STEAP1B: variants seen among roughly 807,000 people sequenced by gnomAD.
STEAP1B encodes STEAP family protein MGC87042.
STEAP1B carries 13 observed loss-of-function variants against 27.9 expected under a neutral mutation model. The observed-to-expected ratio is 0.47, with a 90% CI of 0.30 to 0.74. The LOEUF is 0.74. Among genes scored for constraint, STEAP1B ranks in the 30% least tolerant of loss-of-function variants. STEAP1B has a pLI of 0.06. For missense variants in STEAP1B, 250 were observed against 298.7 expected (o/e 0.84, Z 1.20); for synonymous variants, 86 against 107.1 (o/e 0.80, Z 1.22).
intron 4 of STEAP1B, among the ~76,000 whole-genome samples, chr7:22,488,958 G>C (rs911970571): frequency 6.6e-6 from 1 of 152,150 alleles, no homozygotes; most frequent in African/African-American, 2.4e-5. Flanking sequence ...AAATGACTAG[G>C]AGTTGCAAAG....
Position 22,419,667 on chromosome 7 carries a change from C to T in STEAP1B, c.*137G>A. 1.0e-6 allele frequency: 1 copy of T among 978,572 alleles called. No individual in the cohort carries two copies. The highest frequency in any genetic ancestry group is 1.4e-6 in the Non-Finnish European group (1 of 694,044). 60.6% of individuals were successfully genotyped at this position (978,572 alleles called of 1,614,324 possible). On this transcript the variant is annotated 3_prime_UTR_variant, in exon 5 of 5. Transcript: ENST00000678116. ...ATCTGCCCTGCCGGATCCATGTTGA[C>T]AGAGCAGCCGTCACCTGCAGCATGG...
chr7:22,452,949 A>T (rs1052988544), intron 4 of STEAP1B, among the ~76,000 whole-genome samples: 3 of 152,138 alleles, frequency 2.0e-5, no homozygotes, highest in East Asian at 3.9e-4. Context: ...CCTGCCCAAG[A>T]AGAGTAGGAA....
intron 4 of STEAP1B, among the ~76,000 whole-genome samples, chr7:22,469,910 G>T (rs1785851096): frequency 6.6e-6 from 1 of 152,108 alleles, no homozygotes; most frequent in African/African-American, 2.4e-5. Flanking sequence ...CTCCAGTGCT[G>T]GACTGTAGTT....
chr7:22,454,865 A>ATATATATATATTTTTTTTTTTTTT, intron 4 of STEAP1B, among the ~76,000 whole-genome samples: 1 of 126,150 alleles, frequency 7.9e-6, no homozygotes, highest in African/African-American at 3.2e-5. Context: ...ATATATATAT[A>ATATATATATATTTTTTTTTTTTTT]TTTTTTTTTT....
At chr7:22,448,591 T>C (rs1785441351) in intron 4 of STEAP1B, among the ~76,000 whole-genome samples, 1 of 152,200 alleles carries the variant, frequency 6.6e-6, no homozygotes, top group African/African-American at 2.4e-5. Flanking sequence ...TGGCTTATCA[T>C]TAAAATTATG....
rs779574852 is a variant in STEAP1B at position 22,494,900 on chromosome 7, A to G, written c.-31-14T>C. ...GGCTTCAGCCACCTGTAAAAATAAAAATAATTACTTTCATGTCTATTCTAC... is the reference window on the plus strand; with the variant it reads ...GGCTTCAGCCACCTGTAAAAATAAAGATAATTACTTTCATGTCTATTCTAC... On this transcript the variant is annotated splice_polypyrimidine_tract_variant and intron_variant, in intron 1 of 4. Coordinates refer to ENST00000678116, the MANE Select transcript of STEAP1B (RefSeq NM_001382447.1). 1.6e-6 allele frequency: 2 copies of G among 1,274,694 alleles called. No homozygotes were observed. Among genetic ancestry groups the G allele is most frequent in the South Asian group, 1.4e-5 (1 of 69,874 alleles). The allele number at this position is 1,274,694 out of a possible 1,614,324, so 79.0% of individuals were successfully genotyped here. A position where few individuals can be genotyped will look rare whatever the true frequency, so the allele number is the denominator to read the frequency against.
At chr7:22,467,789 T>C (rs923997651) in intron 4 of STEAP1B, among the ~76,000 whole-genome samples, 2 of 152,194 alleles carry the variant, frequency 1.3e-5, no homozygotes, top group Non-Finnish European at 2.9e-5. Flanking sequence ...TTGCCCAGTC[T>C]CGGGTGTGTC....
chr7:22,438,399 C>T (rs1007483060), intron 4 of STEAP1B: 1 of 1,378,992 alleles, frequency 7.3e-7, no homozygotes, highest in Non-Finnish European at 9.6e-7. Flanking sequence ...TGGTAGATGT[C>T]CACTTTGTAC....
At chr7:22,459,979 G>A (rs1785650781) in intron 4 of STEAP1B, among the ~76,000 whole-genome samples, 1 of 152,108 alleles carries the variant, frequency 6.6e-6, no homozygotes, top group Non-Finnish European at 1.5e-5. Flanking sequence ...AGCCGTTTAG[G>A]TCCAATCATT....
At chr7:22,428,103 G>T (rs1435950862) in intron 4 of STEAP1B, among the ~76,000 whole-genome samples, 1 of 152,142 alleles carries the variant, frequency 6.6e-6, no homozygotes, top group Non-Finnish European at 1.5e-5. Context: ...GCCAGACATA[G>T]GATGGAATCT....
chr7:22,481,051 T>C (rs575886367), intron 4 of STEAP1B, among the ~76,000 whole-genome samples: 1 of 152,352 alleles, frequency 6.6e-6, no homozygotes, highest in African/African-American at 2.4e-5. Flanking sequence ...CACAGATACA[T>C]CCAAAGGCTC....
intron 4 of STEAP1B, among the ~76,000 whole-genome samples, chr7:22,438,178 C>T (rs959764962): frequency 5.3e-5 from 8 of 152,294 alleles, no homozygotes; most frequent in South Asian, 2.1e-4. Context: ...AACTCCCCCA[C>T]GTTTTCTTCC....
At chr7:22,446,832 C>T (rs1011469866) in intron 4 of STEAP1B, among the ~76,000 whole-genome samples, 2 of 152,176 alleles carry the variant, frequency 1.3e-5, no homozygotes, top group Non-Finnish European at 2.9e-5. Context: ...CTGCCCACCC[C>T]ACAATGGTGC....
intron 4 of STEAP1B, among the ~76,000 whole-genome samples, chr7:22,464,869 T>C (rs77336134): frequency 0.037 from 5,324 of 141,994 alleles, 179 homozygotes; most frequent in East Asian, 0.16. Context: ...CAAACTAATA[T>C]AGTAGCCCTT....
intron 4 of STEAP1B, among the ~76,000 whole-genome samples, chr7:22,439,206 GGT>G (rs1785295904): frequency 6.6e-6 from 1 of 152,128 alleles, no homozygotes; most frequent in African/African-American, 2.4e-5. Flanking sequence ...AGCTGCAGAA[GGT>G]GTGTTTACAT....
intron 4 of STEAP1B, among the ~76,000 whole-genome samples, chr7:22,454,665 C>T (rs1381222632): frequency 3.3e-5 from 5 of 151,612 alleles, no homozygotes; most frequent in Admixed American, 3.3e-4. Flanking sequence ...GAGCTGTGCA[C>T]GGCCGAGGCT....
At chr7:22,438,642 A>G (rs1159263690) in intron 4 of STEAP1B, 5 of 1,552,098 alleles carry the variant, frequency 3.2e-6, no homozygotes, top group Non-Finnish European at 4.4e-6. Flanking sequence ...GTGGTGGGAA[A>G]TGGATTCCAC....
intron 4 of STEAP1B, among the ~76,000 whole-genome samples, chr7:22,456,972 A>ATATATATATATATATATTTTTTTTTTTTT: frequency 1.8e-5 from 1 of 57,076 alleles, no homozygotes; most frequent in African/African-American, 7.0e-5. Context: ...ATATATATAT[A>ATATATATATATATATATTTTTTTTTTTTT]TTTTTTTTTT....
intron 4 of STEAP1B, among the ~76,000 whole-genome samples, chr7:22,454,863 ATATTT>A (rs1223547184): frequency 9.9e-4 from 74 of 75,126 alleles, no homozygotes; most frequent in Admixed American, 4.7e-3. Flanking sequence ...ATATATATAT[ATATTT>A]TTTTTTTTTT....
Sources: allele counts gnomAD v4.1 joint callset (sites outside exome capture counted in the v4.1 genomes callset), GRCh38; gene constraint gnomAD v4.1.1; transcripts MANE v1.5; gene names NCBI Gene and HGNC (gene_info 2026-07-23, HGNC 2026-07-21).